The following GGT1 variants were observed in gnomAD, a reference collection of about 807,000 sequenced individuals.
GGT1 encodes glutathione hydrolase 1 proenzyme.
In GGT1, 21 loss-of-function variants were observed where a neutral mutation model predicts 56.0. The observed-to-expected ratio is 0.38, with a 90% CI of 0.27 to 0.54. The LOEUF is 0.54. GGT1 is among the 20% of genes least tolerant of loss of function. GGT1 has a pLI of 0.82. For synonymous variants in GGT1, 238 were observed against 342.6 expected, an observed-to-expected ratio of 0.69 and a Z score of 3.37; for missense variants, 466 against 787.0, an observed-to-expected ratio of 0.59 and a Z score of 4.88.
At chr22:24,619,884 C>T (rs1473981429) in intron 7 of GGT1, among the ~76,000 whole-genome samples, 2 of 150,854 alleles carry the variant, frequency 1.3e-5, no homozygotes, top group African/African-American at 4.9e-5. Flanking sequence ...CAGACAGACA[C>T]CTCATCCTGG....
chr22:24,615,577 G>A (rs1195865447), intron 7 of GGT1, among the ~76,000 whole-genome samples: 1 of 152,182 alleles, frequency 6.6e-6, no homozygotes, highest in Admixed American at 6.5e-5. Flanking sequence ...CTGGGAGGTG[G>A]TGAAGCTAAA....
chr22:24,588,500 C>A, the GGT1 span: 1 of 760,956 alleles, frequency 1.3e-6, no homozygotes, highest in Admixed American at 2.4e-5. Flanking sequence ...CGGCTGTGGC[C>A]TGGCACAGAG....
the GGT1 span, chr22:24,589,358 C>T: frequency 8.8e-7 from 1 of 1,132,046 alleles, no homozygotes; most frequent in South Asian, 1.9e-5. Flanking sequence ...AAGCAGTGAG[C>T]ACCCGTCCGC....
intron 5 of GGT1, among the ~76,000 whole-genome samples, chr22:24,613,531 C>T (rs2046849574): frequency 6.6e-6 from 1 of 152,024 alleles, no homozygotes; most frequent in South Asian, 2.1e-4. Flanking sequence ...GGGCAGACCA[C>T]CCGAGGTCAG....
At chr22:24,588,628 C>T in the GGT1 span, 2 of 1,078,470 alleles carry the variant, frequency 1.9e-6, no homozygotes, top group South Asian at 4.6e-5. Context: ...GCCAGCGTCT[C>T]GGGCTATCAG....
At position 24,620,273 on chromosome 22, in the gene GGT1, G is replaced by C; in HGVS notation, c.383-55G>C. ...GGACTGTGCCTGGGATGCTGCCTGC[G>C]AGAGATCCCGATGTCCCCCACTCAG... On this transcript the variant is annotated intron_variant, in intron 7 of 15. Transcript: ENST00000400382. This position sits in a 1 kb window ranked among gnomAD's most constrained non-coding sequence, Gnocchi z 5.6. 1.9e-6 allele frequency: 3 copies of C among 1,587,050 alleles called. No homozygotes were observed. Among genetic ancestry groups the C allele is most frequent in the Non-Finnish European group, 2.6e-6 (3 of 1,168,022 alleles).
upstream of GGT1, chr22:24,589,945 A>G: frequency 1.3e-6 from 2 of 1,593,742 alleles, no homozygotes; most frequent in East Asian, 2.3e-5. Context: ...CTCAAGGCCC[A>G]GGTCCTGTGA....
At position 24,605,166 on chromosome 22, in the gene GGT1, T is replaced by TTATATAATATGTAATATATTATATAA. The variant is rs1569047911; in HGVS notation, c.-429+1653_-429+1678dup. Among the ~76,000 whole-genome samples, 2 of 37,448 alleles carry TTATATAATATGTAATATATTATATAA rather than the reference T, an allele frequency of 5.3e-5. 1 individual carries two copies. The highest frequency in any genetic ancestry group is 8.1e-5 in the Non-Finnish European group (2 of 24,566). 24.6% of individuals were successfully genotyped at this position (37,448 alleles called of 152,430 possible). ...TATATAATATGTATTATATTATATA[T>TTATATAATATGTAATATATTATATAA]TATATAATATGTAATATATTATATA... On this transcript the variant is annotated intron_variant, in intron 1 of 15. Coordinates refer to ENST00000400382, the MANE Select transcript of GGT1 (RefSeq NM_001288833.2).
At chr22:24,619,997 A>T (rs2047315678) in intron 7 of GGT1, among the ~76,000 whole-genome samples, 1 of 147,492 alleles carries the variant, frequency 6.8e-6, no homozygotes, top group Non-Finnish European at 1.5e-5. Flanking sequence ...CCTAAAAAAA[A>T]AAATTAAACA....
chr22:24,622,992 T>G (rs2047527298), intron 9 of GGT1, 115 bp from the exon 10 acceptor site: 4 of 1,274,104 alleles, frequency 3.1e-6, no homozygotes, highest in Non-Finnish European at 4.5e-6. Context: ...TACAGGCTTT[T>G]CCCCACCACC....
At chr22:24,610,090 C>T (rs1470752833) in intron 3 of GGT1, 57 bp downstream of exon 3, 3 of 441,748 alleles carry the variant, frequency 6.8e-6, no homozygotes, top group Non-Finnish European at 1.4e-5. Flanking sequence ...CCTGAGCCCC[C>T]TTTGCCATGC....
chr22:24,628,381 T>C lies in GGT1; in HGVS notation c.1556T>C (p.Ile519Thr). ...AACGTCACGACAGTGGAGAGAAACA[T>C]TGACCAGGTGGGCCGGGGGTTGGAG... ...LPNVTTVERN[I>T]DQAVTAALET... The change falls in exon 15 of 16, where the codon ATT becomes ACT. Residue 519 changes from isoleucine (I) to threonine (T), a missense_variant. Physicochemically the swap from Ile to Thr is moderately conservative, Grantham distance 89. Coordinates refer to ENST00000400382, the MANE Select transcript of GGT1 (RefSeq NM_001288833.2). The surrounding 1 kb of genome is among the most constrained non-coding windows in gnomAD (Gnocchi z 5.7). 3.7e-6 allele frequency: 6 copies of C among 1,610,874 alleles called. No homozygotes were observed. The highest frequency in any genetic ancestry group is 5.1e-6 in the Non-Finnish European group (6 of 1,179,834).
chr22:24,586,917 T>G, the GGT1 span, among the ~76,000 whole-genome samples: 264 of 152,362 alleles, frequency 1.7e-3, no homozygotes, highest in African/African-American at 6.1e-3. Flanking sequence ...GTGGTTGTTG[T>G]GAGGATTAAA....
Position 24,615,032 on chromosome 22 carries a change from T to C in GGT1, c.296-9T>C. ...GTGGGCGGGCCTGCCTACCTGCTTC[T>C]CCTTCTAGGAAAAGCTGAGGTCATC... On this transcript the variant is annotated splice_polypyrimidine_tract_variant and intron_variant, in intron 6 of 15. Transcript: ENST00000400382. 1 of 1,611,054 alleles carries C rather than the reference T, an allele frequency of 6.2e-7. No individual in the cohort carries two copies. Among genetic ancestry groups the C allele is most frequent in the Non-Finnish European group, 8.5e-7 (1 of 1,178,748 alleles).
chr22:24,592,545 A>T, upstream of GGT1: 1 of 440,678 alleles, frequency 2.3e-6, no homozygotes, highest in Non-Finnish European at 4.4e-6. Flanking sequence ...TCTTAGGTCC[A>T]GGCTACCGGG....
upstream of GGT1, chr22:24,592,488 C>T (rs372267634): frequency 1.1e-5 from 5 of 452,128 alleles, no homozygotes; most frequent in Admixed American, 2.5e-5. Context: ...ACCTCACTTG[C>T]CACTCCTCCC....
rs1156925642 is a variant in GGT1 at position 24,628,644 on chromosome 22, G to A, written c.1564-49G>A. ...CCTGTGACCACACAGATGTGGTTCAGGTGGCATCTGGAGCCCTGCTCAGGC... is the reference window on the plus strand; with the variant it reads ...CCTGTGACCACACAGATGTGGTTCAAGTGGCATCTGGAGCCCTGCTCAGGC... On this transcript the variant is annotated intron_variant, in intron 15 of 15. Coordinates refer to ENST00000400382, the MANE Select transcript of GGT1 (RefSeq NM_001288833.2). This position sits in a 1 kb window ranked among gnomAD's most constrained non-coding sequence, Gnocchi z 5.7. 1 of 1,610,996 alleles carries A rather than the reference G, an allele frequency of 6.2e-7. No individual in the cohort carries two copies.
intron 7 of GGT1, among the ~76,000 whole-genome samples, chr22:24,618,600 CAAAG>C (rs993331476): frequency 1.1e-4 from 17 of 152,260 alleles, no homozygotes; most frequent in African/African-American, 3.9e-4. Flanking sequence ...CAAAAACAAA[CAAAG>C]AAGAAAAACA....
At chr22:24,608,105 C>A (rs1388058528) in intron 2 of GGT1, 82 bp downstream of exon 2, 1 of 439,396 alleles carries the variant, frequency 2.3e-6, no homozygotes, top group Non-Finnish European at 4.7e-6. Context: ...GCCTCAGTTT[C>A]CCCTAGTGTG....
Sources: allele counts gnomAD v4.1 joint callset (sites outside exome capture counted in the v4.1 genomes callset), GRCh38; gene constraint gnomAD v4.1.1; non-coding constraint Gnocchi (gnomAD v3.1); transcripts MANE v1.5; gene names NCBI Gene and HGNC (gene_info 2026-07-23, HGNC 2026-07-21).